KCNMB2: variants seen among roughly 807,000 people sequenced by gnomAD.
KCNMB2 encodes the protein potassium calcium-activated channel subfamily M regulatory beta subunit 2.
A neutral mutation model predicts 24.5 loss-of-function variants in KCNMB2; 9 were observed. That is an observed-to-expected ratio of 0.37 (90% CI 0.22 to 0.64). KCNMB2 has a LOEUF of 0.64. Among genes scored for constraint, KCNMB2 ranks in the 30% least tolerant of loss-of-function variants. The probability of loss-of-function intolerance (pLI) is 0.63; values close to 1 mark genes in which losing one functional copy is unlikely to be tolerated. For missense variants in KCNMB2, 226 were observed against 284.3 expected, an observed-to-expected ratio of 0.79 and a Z score of 1.47; for synonymous variants, 109 against 104.4, an observed-to-expected ratio of 1.04 and a Z score of -0.27.
At chr3:178,762,439 G>A (rs1400502014) in intron 1 of KCNMB2, among the ~76,000 whole-genome samples, 1 of 152,208 alleles carries the variant, frequency 6.6e-6, no homozygotes, top group Non-Finnish European at 1.5e-5. Context: ...AACAGCGTTA[G>A]AGAAAATATG....
chr3:178,825,876 G>A (rs999178685), intron 3 of KCNMB2, 118 bp downstream of exon 3: 3 of 702,092 alleles, frequency 4.3e-6, no homozygotes, highest in Non-Finnish European at 7.2e-6. Flanking sequence ...ACTTTGAGAA[G>A]TTCCTGGTAA....
chr3:178,820,084 T>C lies in KCNMB2; in HGVS notation c.57-5504T>C, dbSNP rs547908918. Among the ~76,000 whole-genome samples the C allele has an allele frequency of 1.4e-3, 210 of 152,328 alleles. 2 individuals carry two copies. Among genetic ancestry groups the C allele is most frequent in the African/African-American group, 5.0e-3 (207 of 41,578 alleles). The stretch of plus-strand genomic sequence containing the variant: ...TTAAAATATAGTCTTAAAATATTCA[T>C]ACAAAAATTTATTTATATTCATTTA... On this transcript the variant is annotated intron_variant, in intron 2 of 4. Coordinates refer to ENST00000452583, the MANE Select transcript of KCNMB2 (RefSeq NM_181361.3).
At chr3:178,732,189 T>C (rs1270316509) in intron 1 of KCNMB2, among the ~76,000 whole-genome samples, 1 of 152,226 alleles carries the variant, frequency 6.6e-6, no homozygotes, top group East Asian at 1.9e-4. Context: ...TAAGGAATTA[T>C]TAAAATTTTT....
chr3:178,675,902 C>T (rs561464295), intron 1 of KCNMB2, among the ~76,000 whole-genome samples: 19 of 152,194 alleles, frequency 1.2e-4, no homozygotes, highest in Non-Finnish European at 2.8e-4. Context: ...TTCTAAACAA[C>T]ATATTCTGTG....
At chr3:178,722,120 C>T (rs1471798744) in intron 1 of KCNMB2, among the ~76,000 whole-genome samples, 1 of 152,122 alleles carries the variant, frequency 6.6e-6, no homozygotes, top group African/African-American at 2.4e-5. Flanking sequence ...AATTCCTAGT[C>T]ACAAAGATTT....
At chr3:178,749,536 A>G (rs1723774569) in intron 1 of KCNMB2, among the ~76,000 whole-genome samples, 1 of 152,238 alleles carries the variant, frequency 6.6e-6, no homozygotes, top group South Asian at 2.1e-4. Context: ...TAGTTGAGAG[A>G]GAAAATTTAA....
At chr3:178,769,419 C>T (rs1712254281) in intron 1 of KCNMB2, among the ~76,000 whole-genome samples, 1 of 152,090 alleles carries the variant, frequency 6.6e-6, no homozygotes, top group Non-Finnish European at 1.5e-5. Flanking sequence ...GGGGTGTGAT[C>T]CAGCTGTTGA....
intron 2 of KCNMB2, among the ~76,000 whole-genome samples, chr3:178,821,923 A>G (rs1187629652): frequency 6.6e-6 from 1 of 152,054 alleles, no homozygotes; most frequent in Non-Finnish European, 1.5e-5. Context: ...CTTTGCCAAC[A>G]CTACAGTAAC....
chr3:178,657,669 T>C (rs904359482), intron 1 of KCNMB2, among the ~76,000 whole-genome samples: 1 of 152,230 alleles, frequency 6.6e-6, no homozygotes, highest in Non-Finnish European at 1.5e-5. Flanking sequence ...ACAGAATACC[T>C]GAAACTGGAT....
intron 1 of KCNMB2, among the ~76,000 whole-genome samples, chr3:178,689,679 AT>A (rs1721599569): frequency 6.6e-6 from 1 of 152,150 alleles, no homozygotes; most frequent in African/African-American, 2.4e-5. Flanking sequence ...AGATGATCTG[AT>A]TTAACACCCA....
intron 1 of KCNMB2, among the ~76,000 whole-genome samples, chr3:178,798,120 G>A (rs9812313): frequency 0.18 from 27,430 of 151,962 alleles, 2,837 homozygotes; most frequent in African/African-American, 0.28. Flanking sequence ...GTTTGAATAC[G>A]GTTTATTTCT....
chr3:178,738,286 G>A (rs548513733), intron 1 of KCNMB2, among the ~76,000 whole-genome samples: 189 of 152,120 alleles, frequency 1.2e-3, no homozygotes, highest in African/African-American at 4.1e-3. Context: ...CCCAGCCACC[G>A]GCATCTCCAG....
chr3:178,699,328 G>C (rs143395032), intron 1 of KCNMB2, among the ~76,000 whole-genome samples: 2 of 152,374 alleles, frequency 1.3e-5, no homozygotes, highest in Non-Finnish European at 2.9e-5. Context: ...ATGGTGGTTA[G>C]TGAGTGAAGG....
intron 1 of KCNMB2, among the ~76,000 whole-genome samples, chr3:178,633,848 CTGT>C (rs1488558284): frequency 6.6e-6 from 1 of 152,166 alleles, no homozygotes; most frequent in African/African-American, 2.4e-5. Context: ...GCTCTTCTTC[CTGT>C]TGAACACTTT....
At chr3:178,724,180 C>T (rs1722895574) in intron 1 of KCNMB2, among the ~76,000 whole-genome samples, 1 of 151,962 alleles carries the variant, frequency 6.6e-6, no homozygotes, top group Non-Finnish European at 1.5e-5. Context: ...TGTTGTTTTA[C>T]TCTTTAGTAA....
intron 2 of KCNMB2, among the ~76,000 whole-genome samples, chr3:178,811,845 C>T (rs185334614): frequency 9.2e-5 from 14 of 152,206 alleles, no homozygotes; most frequent in African/African-American, 2.2e-4. Context: ...TTAGAGTTTT[C>T]GGATTTCTAA....
rs115403326 is a variant in KCNMB2, at chr3:178,582,702, C to A, written c.-68+45991C>A. ...TTTTTAAAAGTTAATTTACATTGAG[C>A]TTTCCCTCCAGAATAATTATTTTTC... On this transcript the variant is annotated intron_variant, in intron 1 of 4. Coordinates refer to ENST00000452583, the MANE Select transcript of KCNMB2 (RefSeq NM_181361.3). Among the ~76,000 whole-genome samples, 774 of 152,226 alleles carry A rather than the reference C, an allele frequency of 5.1e-3. 7 individuals are homozygous for A. The highest frequency in any genetic ancestry group is 0.018 in the African/African-American group (739 of 41,546).
intron 1 of KCNMB2, among the ~76,000 whole-genome samples, chr3:178,675,468 A>G (rs1721039809): frequency 6.6e-6 from 1 of 152,236 alleles, no homozygotes; most frequent in African/African-American, 2.4e-5. Context: ...TGTTAGTGTC[A>G]GAACTGCTGA....
intron 1 of KCNMB2, among the ~76,000 whole-genome samples, chr3:178,723,496 T>C (rs904126087): frequency 1.3e-5 from 2 of 152,204 alleles, no homozygotes; most frequent in African/African-American, 4.8e-5. Context: ...GTTTTTATTT[T>C]TTATTGTTTT....
Sources: allele counts gnomAD v4.1 joint callset (sites outside exome capture counted in the v4.1 genomes callset), GRCh38; gene constraint gnomAD v4.1.1; transcripts MANE v1.5; gene names NCBI Gene and HGNC (gene_info 2026-07-23, HGNC 2026-07-21).